AMBRA1: variants seen among roughly 807,000 people sequenced by gnomAD.
AMBRA1 encodes the protein activating molecule in BECN1-regulated autophagy protein 1.
In AMBRA1, 47 loss-of-function variants were observed where a neutral mutation model predicts 125.4. The observed-to-expected ratio is 0.37, with a 90% CI of 0.30 to 0.48. AMBRA1 has a LOEUF of 0.48. Ranked by LOEUF, AMBRA1 falls within the 20% of genes least tolerant of loss-of-function variation. The pLI is 0.99. For missense variants in AMBRA1, 1,331 were observed against 1,693.4 expected, an observed-to-expected ratio of 0.79 and a Z score of 3.76; for synonymous variants, 626 against 655.5, an observed-to-expected ratio of 0.95 and a Z score of 0.69.
intron 11 of AMBRA1, among the ~76,000 whole-genome samples, chr11:46,448,102 G>A (rs979548531): frequency 1.3e-5 from 2 of 152,202 alleles, no homozygotes; most frequent in African/African-American, 4.8e-5. Context: ...GGCCAAGAGA[G>A]AGAAGTGTTT....
chr11:46,464,023 T>C (rs1949217252), intron 11 of AMBRA1, among the ~76,000 whole-genome samples: 1 of 152,208 alleles, frequency 6.6e-6, no homozygotes, highest in Admixed American at 6.5e-5. Context: ...AAATGCCTAG[T>C]AGTCAGAGAC....
Position 46,520,226 on chromosome 11 carries a change from G to T in AMBRA1, c.2073-7413C>A, listed in dbSNP as rs56393748. ...TATCAATATTTAATTTCAATTTATT[G>T]AAATTAAAACTGAAAAAATTTTAAT... On this transcript the variant is annotated intron_variant, in intron 7 of 17. Coordinates refer to ENST00000683756, the MANE Select transcript of AMBRA1 (RefSeq NM_001387011.1). Among the ~76,000 whole-genome samples the T allele has an allele frequency of 3.6e-3, 540 of 151,056 alleles. 2 individuals are homozygous for T. The highest frequency in any genetic ancestry group is 4.1e-3 in the Non-Finnish European group (280 of 67,830).
rs187088162 is a variant in AMBRA1 at position 46,495,425 on chromosome 11, C to T, written c.2340-1221G>A. The T allele has an allele frequency of 1.7e-3, 260 of 152,242 alleles. 1 individual carries two copies. Among genetic ancestry groups the T allele is most frequent in the African/African-American group, 5.3e-3 (222 of 41,532 alleles). 9.4% of individuals were successfully genotyped at this position (152,242 alleles called of 1,614,324 possible). On this transcript the variant is annotated intron_variant, in intron 9 of 17. Coordinates refer to ENST00000683756, the MANE Select transcript of AMBRA1 (RefSeq NM_001387011.1). ...TTTATATCTTGGTAGAATTGGCTGC[C>T]GAGCATTAAATGACAAATCAATACC...
chr11:46,547,839 A>G lies in AMBRA1; in HGVS notation c.172T>C (p.Leu58=). The change falls in exon 3 of 18, where the codon TTA becomes CTA. Residue 58 remains leucine, a synonymous_variant. Transcript: ENST00000683756. ...ELPDSPRSTF[L]LAFSPDRTLL... ...TACCTGTCTGGGCTGAAGGCCAATA[A>G]GAAGGTAGAGCGTGGACTATCCGGC... The G allele has an allele frequency of 6.2e-7, 1 of 1,611,052 alleles. No homozygotes were observed. Among genetic ancestry groups the G allele is most frequent in the Non-Finnish European group, 8.5e-7 (1 of 1,178,616 alleles).
chr11:46,554,970 G>A (rs538006189), intron 1 of AMBRA1, among the ~76,000 whole-genome samples: 1 of 152,222 alleles, frequency 6.6e-6, no homozygotes, highest in South Asian at 2.1e-4. Flanking sequence ...ATGGTGGGAG[G>A]CCAAGGTGGG....
At chr11:46,546,061 G>C (rs1429253953) in intron 4 of AMBRA1, 17 of 218,736 alleles carry the variant, frequency 7.8e-5, no homozygotes, top group South Asian at 1.6e-4. Flanking sequence ...TTTGACAGGG[G>C]GTTTCATTCT....
chr11:46,560,815 G>T (rs2043307520), intron 1 of AMBRA1, among the ~76,000 whole-genome samples: 1 of 152,182 alleles, frequency 6.6e-6, no homozygotes, highest in African/African-American at 2.4e-5. Context: ...AACAAAAAAA[G>T]AGTAGCTTCT....
intron 7 of AMBRA1, among the ~76,000 whole-genome samples, chr11:46,522,797 G>C (rs558349470): frequency 1.9e-3 from 286 of 152,254 alleles, no homozygotes; most frequent in African/African-American, 6.7e-3. Flanking sequence ...GCCTGTGAAG[G>C]TCTTAAAAAA....
chr11:46,588,732 G>A (rs924138792), intron 1 of AMBRA1, among the ~76,000 whole-genome samples: 5 of 147,494 alleles, frequency 3.4e-5, no homozygotes, highest in African/African-American at 1.3e-4. Flanking sequence ...CCGAGATCGC[G>A]CCATTGCACA....
chr11:46,429,788 G>A (rs1048259223), intron 14 of AMBRA1, among the ~76,000 whole-genome samples: 1 of 152,062 alleles, frequency 6.6e-6, no homozygotes, highest in African/African-American at 2.4e-5. Context: ...AATGAAAGCC[G>A]AGAGGGAACA....
At chr11:46,468,402 G>A (rs920520051) in intron 11 of AMBRA1, among the ~76,000 whole-genome samples, 1 of 151,784 alleles carries the variant, frequency 6.6e-6, no homozygotes, top group Non-Finnish European at 1.5e-5. Context: ...GAAGAGGAAG[G>A]AGGCCCAAGC....
In AMBRA1 at chr11:46,543,377, G is replaced by T. The variant is rs139294318; in HGVS notation, c.640C>A (p.Pro214Thr). Reference sequence around the variant, plus strand: ...TGGGATAATTCTGTTCCATCTATGGGGATCTCTGGTTCGTCATCACCCTGC... The same window carrying T: ...TGGGATAATTCTGTTCCATCTATGGTGATCTCTGGTTCGTCATCACCCTGC... ...NQQGDDEPEI[P>T]IDGTELSHYR... Residue 214 changes from proline (P) to threonine (T), a missense_variant, in exon 7 of 18, where the codon CCC (proline) becomes ACC (threonine). Physicochemically the swap from Pro to Thr is conservative, Grantham distance 38. Transcript: ENST00000683756. 6.2e-7 allele frequency: 1 copy of T among 1,613,914 alleles called. No homozygotes were observed. Among genetic ancestry groups the T allele is most frequent in the Non-Finnish European group, 8.5e-7 (1 of 1,179,926 alleles).
chr11:46,432,062 T>TTTCA (rs934950685), intron 14 of AMBRA1, among the ~76,000 whole-genome samples: 4 of 152,186 alleles, frequency 2.6e-5, no homozygotes, highest in African/African-American at 7.2e-5. Flanking sequence ...TGAGATTCTC[T>TTTCA]TTCATTCATT....
rs1314706569 is a variant in AMBRA1 at position 46,409,924 on chromosome 11, G to A, written c.3209+352C>T. Among the ~76,000 whole-genome samples the A allele has an allele frequency of 2.6e-5, 4 of 152,354 alleles. No individual in the cohort carries two copies. The East Asian group carries it at 5.8e-4, about 22-fold the overall frequency. ...TACAGCCCTGGGCAGCTTGGTCCCT[G>A]AGGTCCTGGTCATCTGGAAGAGCCT... On this transcript the variant is annotated intron_variant, in intron 16 of 17. Transcript: ENST00000683756.
chr11:46,566,836 T>C (rs770680983), intron 1 of AMBRA1, among the ~76,000 whole-genome samples: 3 of 152,130 alleles, frequency 2.0e-5, no homozygotes, highest in Admixed American at 6.6e-5. Flanking sequence ...TAAATGATAA[T>C]AGCCCTTCTT....
At chr11:46,428,963 G>T in intron 14 of AMBRA1, 2 of 1,612,340 alleles carry the variant, frequency 1.2e-6, no homozygotes, top group Non-Finnish European at 1.7e-6. Context: ...ATGTCTCCAG[G>T]CAAACTGTTC....
At chr11:46,574,653 G>A (rs1424235264) in intron 1 of AMBRA1, among the ~76,000 whole-genome samples, 1 of 152,138 alleles carries the variant, frequency 6.6e-6, no homozygotes, top group African/African-American at 2.4e-5. Context: ...ATGTAAAGCA[G>A]GTCAAAGTTG....
In AMBRA1 at chr11:46,513,275, T is replaced by C. The variant is rs544612930; in HGVS notation, c.2073-462A>G. Among the ~76,000 whole-genome samples, 68 of 150,640 alleles carry C rather than the reference T, an allele frequency of 4.5e-4. 2 individuals carry two copies. The East Asian group carries it at 0.013, about 28-fold the overall frequency. ...CTGCCTACGCTCTTTTTTCTTTTTT[T>C]TTTTTTTGTGAGAATTGAGTACTCC... On this transcript the variant is annotated intron_variant, in intron 7 of 17. Coordinates refer to ENST00000683756, the MANE Select transcript of AMBRA1 (RefSeq NM_001387011.1).
rs144827765 is a variant in AMBRA1 at position 46,501,316 on chromosome 11, C to A, written c.2339+6875G>T. ...CCCAAAGATGTGCACATTGGATGAA[C>A]TGGCATGCCTAGACTACCTTAGTCT... On this transcript the variant is annotated intron_variant, in intron 9 of 17. Transcript: ENST00000683756. 1.4e-4 allele frequency among the ~76,000 whole-genome samples: 22 copies of A among 152,328 alleles called. No individual in the cohort carries two copies. In the East Asian group the frequency reaches 2.9e-3, roughly 20 times the overall value.
Sources: allele counts gnomAD v4.1 joint callset (sites outside exome capture counted in the v4.1 genomes callset), GRCh38; gene constraint gnomAD v4.1.1; transcripts MANE v1.5; gene names NCBI Gene and HGNC (gene_info 2026-07-23, HGNC 2026-07-21).